Variants in INPP4B observed in about 807,000 individuals in gnomAD.
INPP4B encodes the protein inositol polyphosphate-4-phosphatase type II B, also known as inositol polyphosphate 4-phosphatase type II.
In INPP4B, 55 loss-of-function variants were observed where a neutral mutation model predicts 122.5. That is an observed-to-expected ratio of 0.45 (90% CI 0.36 to 0.56). The LOEUF is 0.56. INPP4B is among the 20% of genes least tolerant of loss of function. The pLI, the probability that INPP4B is intolerant of heterozygous loss-of-function variation, is 0.00. For missense variants in INPP4B, 1,000 were observed against 1,097.7 expected, an observed-to-expected ratio of 0.91 and a Z score of 1.26; for synonymous variants, 403 against 388.7, an observed-to-expected ratio of 1.04 and a Z score of -0.43.
chr4:142,341,873 G>A (rs1484546204), intron 7 of INPP4B, among the ~76,000 whole-genome samples: 2 of 152,078 alleles, frequency 1.3e-5, no homozygotes, highest in East Asian at 3.9e-4. Flanking sequence ...GCCAAAAAGA[G>A]CTGAATCTTG....
At chr4:142,356,059 G>A (rs965981007) in intron 7 of INPP4B, among the ~76,000 whole-genome samples, 1 of 150,894 alleles carries the variant, frequency 6.6e-6, no homozygotes, top group African/African-American at 2.4e-5. Context: ...TATTGATAAG[G>A]GCAAAAAATA....
At chr4:142,531,440 A>T (rs776289792) in intron 2 of INPP4B, among the ~76,000 whole-genome samples, 9 of 152,152 alleles carry the variant, frequency 5.9e-5, no homozygotes, top group Non-Finnish European at 1.3e-4. Context: ...AGAATAATGA[A>T]TCATATGTAA....
intron 3 of INPP4B, among the ~76,000 whole-genome samples, chr4:142,448,034 C>A (rs1405948700): frequency 1.3e-5 from 2 of 152,104 alleles, no homozygotes; most frequent in African/African-American, 4.8e-5. Flanking sequence ...TAGTCATGGC[C>A]AACTAAGTCC....
intron 1 of INPP4B, among the ~76,000 whole-genome samples, chr4:142,836,433 C>T (rs111263404): frequency 3.3e-5 from 5 of 151,528 alleles, no homozygotes; most frequent in Admixed American, 1.3e-4. Context: ...TGTGTGCGCG[C>T]GTGTGTGTAT....
intron 7 of INPP4B, among the ~76,000 whole-genome samples, chr4:142,398,445 T>TAAATA (rs1800457322): frequency 1.3e-5 from 1 of 74,558 alleles, no homozygotes; most frequent in Non-Finnish European, 2.3e-5. Context: ...TATATATATA[T>TAAATA]AAAACATATT....
intron 1 of INPP4B, among the ~76,000 whole-genome samples, chr4:142,731,510 A>T (rs191640349): frequency 2.6e-4 from 40 of 152,306 alleles, no homozygotes; most frequent in African/African-American, 9.6e-4. Context: ...TGTTTCCATT[A>T]CAATATTAGA....
intron 7 of INPP4B, among the ~76,000 whole-genome samples, chr4:142,319,644 C>T (rs1769239038): frequency 6.6e-6 from 1 of 152,090 alleles, no homozygotes; most frequent in Non-Finnish European, 1.5e-5. Context: ...CTGGATTTTG[C>T]AAAAGTGAAT....
chr4:142,460,341 C>T (rs957632457), intron 3 of INPP4B, among the ~76,000 whole-genome samples: 1 of 152,114 alleles, frequency 6.6e-6, no homozygotes, highest in Non-Finnish European at 1.5e-5. Flanking sequence ...TTACAGATTA[C>T]AAGACTCCTG....
intron 2 of INPP4B, among the ~76,000 whole-genome samples, chr4:142,508,495 G>A (rs1320765360): frequency 1.3e-5 from 2 of 152,062 alleles, no homozygotes; most frequent in African/African-American, 2.4e-5. Context: ...GGCTGGTCTC[G>A]AACCCCTGAC....
Position 142,362,822 on chromosome 4 carries a change from T to C in INPP4B, c.372+40116A>G, listed in dbSNP as rs113982116. On this transcript the variant is annotated intron_variant, in intron 7 of 25. Transcript: ENST00000262992. Reference sequence around the variant, plus strand: ...GACATAAAGATGGGAGCAATGGACATTGAGTTTTCCAAACGGAAGGAAGGA... The same window carrying C: ...GACATAAAGATGGGAGCAATGGACACTGAGTTTTCCAAACGGAAGGAAGGA... Among the ~76,000 whole-genome samples the C allele has an allele frequency of 5.8e-3, 876 of 151,992 alleles. 6 individuals carry two copies. The highest frequency in any genetic ancestry group is 0.02 in the African/African-American group (829 of 41,490).
chr4:142,677,900 T>A (rs1231848059), intron 2 of INPP4B, among the ~76,000 whole-genome samples: 4 of 140,884 alleles, frequency 2.8e-5, no homozygotes, highest in Non-Finnish European at 6.3e-5. Flanking sequence ...AGATGACGGG[T>A]TGATGGTGCA....
chr4:142,786,410 T>C (rs1289409405), intron 1 of INPP4B, among the ~76,000 whole-genome samples: 1 of 152,156 alleles, frequency 6.6e-6, no homozygotes, highest in African/African-American at 2.4e-5. Context: ...AATAATTAAC[T>C]AAGAATCTAT....
intron 14 of INPP4B, among the ~76,000 whole-genome samples, chr4:142,201,793 T>G (rs1423390996): frequency 6.6e-6 from 1 of 152,060 alleles, no homozygotes; most frequent in African/African-American, 2.4e-5. Flanking sequence ...AAGTAACAAT[T>G]TGGTCGGTAA....
intron 2 of INPP4B, among the ~76,000 whole-genome samples, chr4:142,466,498 A>G (rs1817807658): frequency 1.3e-5 from 2 of 152,216 alleles, no homozygotes; most frequent in South Asian, 4.1e-4. Context: ...AGGCAAATAA[A>G]TGACTTAAAG....
intron 18 of INPP4B, among the ~76,000 whole-genome samples, chr4:142,135,615 C>T (rs543470023): frequency 1.3e-5 from 2 of 152,214 alleles, no homozygotes; most frequent in East Asian, 3.9e-4. Context: ...CATATGATGC[C>T]TATGGGCCCT....
chr4:142,209,737 G>C (rs1214139877), intron 12 of INPP4B, among the ~76,000 whole-genome samples: 6 of 126,672 alleles, frequency 4.7e-5, no homozygotes, highest in African/African-American at 1.7e-4. Context: ...AAGTTGCAGT[G>C]AGCCAAGATT....
At chr4:142,834,828 C>T (rs1782590647) in intron 1 of INPP4B, among the ~76,000 whole-genome samples, 1 of 152,266 alleles carries the variant, frequency 6.6e-6, no homozygotes, top group Admixed American at 6.5e-5. Flanking sequence ...GAAAAACTCC[C>T]TTGAGGTTTT....
At chr4:142,205,383 C>T (rs560618156) in intron 14 of INPP4B, among the ~76,000 whole-genome samples, 1 of 152,244 alleles carries the variant, frequency 6.6e-6, no homozygotes, top group South Asian at 2.1e-4. Context: ...CTTATTCCAT[C>T]AGTCAGTAAG....
intron 11 of INPP4B, among the ~76,000 whole-genome samples, chr4:142,248,951 C>A (rs1207496585): frequency 6.6e-6 from 1 of 151,278 alleles, no homozygotes; most frequent in Non-Finnish European, 1.5e-5. Context: ...ATATAGACTG[C>A]AAATAAAAAA....
Sources: gnomAD v4.1 joint callset for allele counts (sites outside exome capture counted in the v4.1 genomes callset) on GRCh38, gnomAD v4.1.1 for gene constraint, MANE v1.5 for transcripts, NCBI Gene and HGNC (gene_info 2026-07-23, HGNC 2026-07-21) for gene names.